The following TTPA variants were observed in gnomAD, a reference collection of about 807,000 sequenced individuals.
TTPA encodes alpha tocopherol transfer protein.
TTPA carries 23 observed loss-of-function variants against 25.9 expected under a neutral mutation model. That is an observed-to-expected ratio of 0.89 (90% CI 0.64 to 1.26). The LOEUF (loss-of-function observed/expected upper bound fraction) is 1.26. Among genes scored for constraint, TTPA ranks in the 50% most tolerant of loss-of-function variants. TTPA has a pLI of 0.00. For missense variants in TTPA, 337 were observed against 353.1 expected, an observed-to-expected ratio of 0.95 and a Z score of 0.37; for synonymous variants, 148 against 137.3, an observed-to-expected ratio of 1.08 and a Z score of -0.54.
Position 63,061,473 on chromosome 8 carries a change from C to T in TTPA, c.664-48G>A, listed in dbSNP as rs535045937. ...GAAGGAAACCGCATTAGATGCATTT[C>T]CAGTGGAAAATCAACCTCATAAAAC... On this transcript the variant is annotated intron_variant, in intron 4 of 4. Coordinates refer to ENST00000260116, the MANE Select transcript of TTPA (RefSeq NM_000370.3). 9.5e-6 allele frequency: 15 copies of T among 1,575,836 alleles called. No individual in the cohort carries two copies. In the Admixed American group the frequency reaches 1.0e-4, roughly 11 times the overall value.
chr8:63,071,869 A>T (rs1805488760), intron 2 of TTPA, among the ~76,000 whole-genome samples: 1 of 152,210 alleles, frequency 6.6e-6, no homozygotes, highest in Non-Finnish European at 1.5e-5. Context: ...TGTGAGAAAT[A>T]AAATTCTGTT....
At chr8:63,066,521 T>C (rs1805392866) in intron 2 of TTPA, among the ~76,000 whole-genome samples, 1 of 152,192 alleles carries the variant, frequency 6.6e-6, no homozygotes, top group African/African-American at 2.4e-5. Context: ...GCAGGCAAGT[T>C]GATCCTCTGA....
chr8:63,059,020 GTTTTTTTTTTT>G (rs35335226), downstream of TTPA, among the ~76,000 whole-genome samples: 7 of 67,144 alleles, frequency 1.0e-4, no homozygotes, highest in Non-Finnish European at 1.4e-4. Flanking sequence ...GCAGGGTCCA[GTTTTTTTTTTT>G]TTTTTTTTTT....
intron 2 of TTPA, among the ~76,000 whole-genome samples, chr8:63,067,895 C>T (rs1027651232): frequency 2.6e-5 from 4 of 152,170 alleles, no homozygotes; most frequent in African/African-American, 9.7e-5. Context: ...TTTTAATTCA[C>T]TTAAGATAAT....
intron 1 of TTPA, among the ~76,000 whole-genome samples, chr8:63,076,120 A>T (rs931615099): frequency 2.0e-5 from 3 of 152,204 alleles, no homozygotes; most frequent in Non-Finnish European, 4.4e-5. Flanking sequence ...TCAACACTTA[A>T]TGGCTACATA....
intron 1 of TTPA, among the ~76,000 whole-genome samples, chr8:63,080,223 G>A (rs1177787931): frequency 1.3e-5 from 2 of 152,166 alleles, no homozygotes; most frequent in East Asian, 3.8e-4. Context: ...AAGCAGGAAG[G>A]ATCTCAAATC....
rs1315324866 is a variant in TTPA, at chr8:63,085,838, C to A, written c.184G>T (p.Asp62Tyr). The A allele has an allele frequency of 6.8e-5, 105 of 1,536,574 alleles. No individual in the cohort carries two copies. Among genetic ancestry groups the A allele is most frequent in the Non-Finnish European group, 8.6e-5 (98 of 1,145,576 alleles). The change falls in exon 1 of 5, where the codon GAT (aspartate) becomes TAT (tyrosine). Residue 62 changes from aspartate to tyrosine, a missense_variant. Physicochemically the swap from Asp to Tyr is radical, Grantham distance 160. Transcript: ENST00000260116. ...CTTACCCGCCAGGCCAGGTCCAGAT[C>A]GAAATCCCGGGCGCGCAGGAACCGC... ...LLRFLRARDF[D>Y]LDLAWRLLKN... is the part of the protein sequence containing the mutation.
At position 63,065,894 on chromosome 8, in the gene TTPA, A is replaced by G. The variant is rs1271911909; in HGVS notation, c.552+10T>C. 6.2e-7 allele frequency: 1 copy of G among 1,613,602 alleles called. No individual in the cohort carries two copies. The highest frequency in any genetic ancestry group is 1.3e-5 in the African/African-American group (1 of 74,906). ...AAGTATTATGCCTGACAGTTAAAAT[A>G]TACATTTACCGTAAGTACAGCAGCA... On this transcript the variant is annotated intron_variant, in intron 3 of 4. Coordinates refer to ENST00000260116, the MANE Select transcript of TTPA (RefSeq NM_000370.3).
chr8:63,061,051 T>C lies in TTPA; in HGVS notation c.*201A>G. The C allele has an allele frequency of 1.8e-6, 1 of 560,444 alleles. No individual in the cohort carries two copies. Among genetic ancestry groups the C allele is most frequent in the Non-Finnish European group, 3.1e-6 (1 of 320,742 alleles). 34.7% of individuals were successfully genotyped at this position (560,444 alleles called of 1,614,324 possible). A position where few individuals can be genotyped will look rare whatever the true frequency, so the allele number is the denominator to read the frequency against. Reference sequence around the variant, plus strand: ...TTAAAATGTACTGACATTTAATTACTTCAAAAGTAGAGAAAAAAGCATTTA... The same window carrying C: ...TTAAAATGTACTGACATTTAATTACCTCAAAAGTAGAGAAAAAAGCATTTA... On this transcript the variant is annotated 3_prime_UTR_variant, in exon 5 of 5. Transcript: ENST00000260116.
intron 2 of TTPA, 57 bp downstream of exon 2, chr8:63,072,878 G>A: frequency 4.4e-6 from 7 of 1,591,034 alleles, no homozygotes; most frequent in Non-Finnish European, 6.0e-6. Flanking sequence ...GGAGAGGGGA[G>A]GGAACACAAC....
intron 1 of TTPA, among the ~76,000 whole-genome samples, chr8:63,075,724 A>G (rs1805553029): frequency 6.6e-6 from 1 of 150,730 alleles, no homozygotes; most frequent in Middle Eastern, 3.2e-3. Flanking sequence ...AAAAAAAAGT[A>G]AAGTAAAGCT....
rs367569623 is a variant in TTPA, at chr8:63,081,850, GACAA to G, written c.204+3964_204+3967del. 6.6e-3 allele frequency among the ~76,000 whole-genome samples: 1,007 copies of G among 152,190 alleles called. 9 individuals carry two copies. Among genetic ancestry groups the G allele is most frequent in the African/African-American group, 0.023 (937 of 41,510 alleles). ...CAAGCATTCCTATACACCAATAACG[GACAA>G]ACAGAGAACTAAATCATGAGTGAAC... On this transcript the variant is annotated intron_variant, in intron 1 of 4. Transcript: ENST00000260116.
chr8:63,065,714 G>C (rs1364177907), intron 3 of TTPA, among the ~76,000 whole-genome samples, 190 bp downstream of exon 3: 1 of 152,056 alleles, frequency 6.6e-6, no homozygotes, highest in Non-Finnish European at 1.5e-5. Flanking sequence ...GCAGTTTGTT[G>C]CAACATTTTT....
At chr8:63,064,417 A>G in intron 3 of TTPA, 101 bp from the exon 4 acceptor site, 2 of 793,768 alleles carry the variant, frequency 2.5e-6, no homozygotes, top group Non-Finnish European at 4.1e-6. Context: ...TTATGGAAAT[A>G]TCTAAAGTGT....
At chr8:63,063,051 C>A (rs1268803735) in intron 4 of TTPA, among the ~76,000 whole-genome samples, 1 of 152,110 alleles carries the variant, frequency 6.6e-6, no homozygotes, top group African/African-American at 2.4e-5. Flanking sequence ...ACTTTCTGAC[C>A]AGGTATAAGA....
chr8:63,072,912 A>T, intron 2 of TTPA, 23 bp downstream of exon 2: 1 of 1,613,994 alleles, frequency 6.2e-7, no homozygotes, highest in East Asian at 2.2e-5. Flanking sequence ...AGGAGAAAAA[A>T]AAAAGAGTTG....
At chr8:63,077,308 T>C (rs1805578358) in intron 1 of TTPA, among the ~76,000 whole-genome samples, 1 of 152,132 alleles carries the variant, frequency 6.6e-6, no homozygotes, top group South Asian at 2.1e-4. Context: ...CTGGGACTGG[T>C]TGGACAGTGG....
intron 1 of TTPA, among the ~76,000 whole-genome samples, chr8:63,078,875 C>A (rs1805614660): frequency 6.6e-6 from 1 of 152,106 alleles, no homozygotes; most frequent in African/African-American, 2.4e-5. Flanking sequence ...AACCCCAAGA[C>A]ACATAATTGT....
chr8:63,080,340 T>C (rs1312873277), intron 1 of TTPA, among the ~76,000 whole-genome samples: 2 of 151,958 alleles, frequency 1.3e-5, no homozygotes, highest in African/African-American at 4.8e-5. Flanking sequence ...CTGAAAGAGA[T>C]AGAGATACAA....
Sources: gnomAD v4.1 joint callset for allele counts (sites outside exome capture counted in the v4.1 genomes callset) on GRCh38, gnomAD v4.1.1 for gene constraint, MANE v1.5 for transcripts, NCBI Gene and HGNC (gene_info 2026-07-23, HGNC 2026-07-21) for gene names.